Variants in SPAG1 observed in about 807,000 individuals in gnomAD.
The protein encoded by SPAG1 is sperm associated antigen 1.
Under a neutral mutation model 100.5 loss-of-function variants are expected in SPAG1, and 69 were observed. That is an observed-to-expected ratio of 0.69 (90% CI 0.57 to 0.84). SPAG1 has a LOEUF of 0.84. Among genes scored for constraint, SPAG1 ranks in the 40% least tolerant of loss-of-function variants. The probability of loss-of-function intolerance (pLI) is 0.00; values close to 1 mark genes in which losing one functional copy is unlikely to be tolerated. For synonymous variants in SPAG1, 336 were observed against 411.6 expected (o/e 0.82, Z 2.22); for missense variants, 955 against 1,133.1 (o/e 0.84, Z 2.26).
chr8:100,176,468 T>G (rs1816123536), intron 3 of SPAG1, among the ~76,000 whole-genome samples: 1 of 151,764 alleles, frequency 6.6e-6, no homozygotes, highest in Non-Finnish European at 1.5e-5. Context: ...TGGGTTCAAG[T>G]AATTCTCCTG....
chr8:100,203,488 C>T (rs914360312), intron 10 of SPAG1, among the ~76,000 whole-genome samples: 1 of 152,004 alleles, frequency 6.6e-6, no homozygotes, highest in Non-Finnish European at 1.5e-5. Context: ...TGATTAGACC[C>T]AAAAATGCTA....
Position 100,232,208 on chromosome 8 carries a change from G to C in SPAG1, c.1988+920G>C, listed in dbSNP as rs1475308899. ...AGCCTCTGTAGGATCGGGCATTATTGGTCACTCAGTTTTCTGTGAAGACTC... is the reference window on the plus strand; with the variant it reads ...AGCCTCTGTAGGATCGGGCATTATTCGTCACTCAGTTTTCTGTGAAGACTC... On this transcript the variant is annotated intron_variant, in intron 15 of 18. Coordinates refer to ENST00000388798, the MANE Select transcript of SPAG1 (RefSeq NM_003114.5). 2.0e-5 allele frequency among the ~76,000 whole-genome samples: 3 copies of C among 152,180 alleles called. No homozygotes were observed. The East Asian group carries it at 5.8e-4, about 29-fold the overall frequency.
chr8:100,225,332 C>T lies in SPAG1; in HGVS notation c.1848C>T (p.Gly616=), dbSNP rs148562317. 173 of 1,613,316 alleles carry T rather than the reference C, an allele frequency of 1.1e-4. No individual in the cohort carries two copies. The highest frequency in any genetic ancestry group is 1.4e-4 in the Non-Finnish European group (165 of 1,179,904). Residue 616 remains glycine, a synonymous_variant, in exon 14 of 19, where the codon GGC becomes GGT. Coordinates refer to ENST00000388798, the MANE Select transcript of SPAG1 (RefSeq NM_003114.5). ...ACTCCAGCAGCCATCGCCAGCAGGG[C>T]ATCACAGGTGGGGGATGCCTGCACT... ...AGDSSSHRQQ[G]ITDEKTFKAL...
In SPAG1 at chr8:100,240,997, C is replaced by A. The variant is rs867593072; in HGVS notation, c.2756C>A (p.Ala919Asp). The part of the protein sequence containing the change: ...NNHFTLEDIQ[A>D]LKRQYEL ...CATTTTACTTTAGAAGATATACAGG[C>A]CCTAAAAAGGCAGTATGAGCTTTAA... Residue 919 changes from alanine to aspartate, a missense_variant, in exon 19 of 19, where the codon GCC becomes GAC. Coordinates refer to ENST00000388798, the MANE Select transcript of SPAG1 (RefSeq NM_003114.5). 1 of 1,611,266 alleles carries A rather than the reference C, an allele frequency of 6.2e-7. No homozygotes were observed. The highest frequency in any genetic ancestry group is 2.2e-5 in the East Asian group (1 of 44,798).
chr8:100,176,910 CT>C (rs1344153216), intron 3 of SPAG1, among the ~76,000 whole-genome samples: 1 of 142,942 alleles, frequency 7.0e-6, no homozygotes, highest in Non-Finnish European at 1.5e-5. Context: ...TCCCTCTCTC[CT>C]TTTCCCTCCT....
In SPAG1 at chr8:100,220,342, T is replaced by C; in HGVS notation, c.1599T>C (p.Thr533=). Residue 533 remains threonine (T), a synonymous_variant, in exon 13 of 19, where the codon ACT becomes ACC. Transcript: ENST00000388798. The stretch of plus-strand genomic sequence containing the variant: ...TGAGGCGGGCGATGGCCTATGAAAC[T>C]CTAGAGCAGTATGGGAAAGCTTATG... ...PLLRRAMAYE[T]LEQYGKAYVD... is the part of the protein sequence containing the mutation. 1.9e-6 allele frequency: 3 copies of C among 1,614,124 alleles called. No individual in the cohort carries two copies. Among genetic ancestry groups the C allele is most frequent in the Non-Finnish European group, 2.5e-6 (3 of 1,179,966 alleles).
intron 15 of SPAG1, chr8:100,233,045 A>G (rs888109244): frequency 1.1e-5 from 3 of 271,504 alleles, no homozygotes; most frequent in Admixed American, 5.5e-5. Context: ...CTGGATTTCA[A>G]CTTAAATGTC....
intron 8 of SPAG1, among the ~76,000 whole-genome samples, chr8:100,189,650 G>T (rs1338334675): frequency 6.6e-6 from 1 of 152,052 alleles, no homozygotes; most frequent in Non-Finnish European, 1.5e-5. Context: ...GAAAGACTCT[G>T]TTTCAAAAAA....
chr8:100,215,617 T>C (rs1427317044), intron 12 of SPAG1, among the ~76,000 whole-genome samples: 4 of 152,234 alleles, frequency 2.6e-5, no homozygotes, highest in Non-Finnish European at 5.9e-5. Context: ...CTCCGCCTCC[T>C]GGGTTCACCC....
At position 100,194,139 on chromosome 8, in the gene SPAG1, C is replaced by A; in HGVS notation, c.967C>A (p.Leu323Met). 6.3e-7 allele frequency: 1 copy of A among 1,584,738 alleles called. No homozygotes were observed. The highest frequency in any genetic ancestry group is 8.6e-7 in the Non-Finnish European group (1 of 1,168,616). ...KKTLSEVERDLKNSEAASETQ... is the reference protein window; with the variant it reads ...KKTLSEVERDMKNSEAASETQ... ...AACCTTGTCAGAGGTTGAAAGAGAT[C>A]TGAAAAATTCTGAAGCTGCATCTGA... is the stretch of plus-strand genomic sequence containing the variant. The change falls in exon 10 of 19, where the codon CTG becomes ATG. Residue 323 changes from leucine (L) to methionine (M), a missense_variant. By Grantham distance (15) the Leu-to-Met change is conservative (BLOSUM62 2). Coordinates refer to ENST00000388798, the MANE Select transcript of SPAG1 (RefSeq NM_003114.5).
intron 10 of SPAG1, among the ~76,000 whole-genome samples, chr8:100,199,193 A>T (rs1329975315): frequency 6.6e-6 from 1 of 152,216 alleles, no homozygotes; most frequent in Non-Finnish European, 1.5e-5. Context: ...GGAAATGCAG[A>T]CTGTTTTCCA....
chr8:100,196,290 G>C (rs1222527363), intron 10 of SPAG1, among the ~76,000 whole-genome samples: 1 of 152,212 alleles, frequency 6.6e-6, no homozygotes, highest in Non-Finnish European at 1.5e-5. Context: ...TTTATTGGAA[G>C]TTGCCTGACT....
chr8:100,184,854 A>T, intron 7 of SPAG1, 121 bp downstream of exon 7: 1 of 624,180 alleles, frequency 1.6e-6, no homozygotes, highest in Non-Finnish European at 2.7e-6. Flanking sequence ...TGTACTTGTG[A>T]TTTATCATAT....
At chr8:100,214,957 G>T (rs1817898100) in intron 12 of SPAG1, among the ~76,000 whole-genome samples, 1 of 126,976 alleles carries the variant, frequency 7.9e-6, no homozygotes, top group Non-Finnish European at 1.6e-5. Context: ...TCCAGCCTGG[G>T]CAACAGACAA....
intron 10 of SPAG1, among the ~76,000 whole-genome samples, chr8:100,195,096 C>A (rs771691407): frequency 5.4e-5 from 8 of 147,460 alleles, no homozygotes; most frequent in Admixed American, 2.8e-4. Context: ...ACCCGGGAGG[C>A]GGAGGTTGTG....
intron 8 of SPAG1, among the ~76,000 whole-genome samples, chr8:100,187,561 T>A (rs1816638262): frequency 6.6e-6 from 1 of 152,176 alleles, no homozygotes; most frequent in Non-Finnish European, 1.5e-5. Context: ...CCAGGCACAG[T>A]GGCTCACACC....
At chr8:100,166,136 G>A (rs998419543) in intron 3 of SPAG1, among the ~76,000 whole-genome samples, 163 bp downstream of exon 3, 2 of 152,194 alleles carry the variant, frequency 1.3e-5, no homozygotes, top group Non-Finnish European at 2.9e-5. Context: ...TTGCGAATTC[G>A]CGTGTGTGTG....
chr8:100,183,763 G>C (rs540314388), intron 5 of SPAG1, among the ~76,000 whole-genome samples, 193 bp from the exon 6 acceptor site: 2 of 152,180 alleles, frequency 1.3e-5, no homozygotes, highest in South Asian at 4.1e-4. Context: ...GTTTAGATTT[G>C]ATTAACGTTT....
At chr8:100,199,854 T>C (rs1000179833) in intron 10 of SPAG1, among the ~76,000 whole-genome samples, 7 of 152,240 alleles carry the variant, frequency 4.6e-5, no homozygotes, top group African/African-American at 1.7e-4. Flanking sequence ...TGCAAATACT[T>C]TTCCCATTCT....
Sources: gnomAD v4.1 joint callset for allele counts (sites outside exome capture counted in the v4.1 genomes callset) on GRCh38, gnomAD v4.1.1 for gene constraint, MANE v1.5 for transcripts, NCBI Gene and HGNC (gene_info 2026-07-23, HGNC 2026-07-21) for gene names.